Variants in TNKS observed in about 807,000 individuals in gnomAD.
The protein encoded by TNKS is tankyrase.
TNKS carries 72 observed loss-of-function variants against 135.8 expected under a neutral mutation model. That is an observed-to-expected ratio of 0.53 (90% CI 0.44 to 0.64). TNKS has a LOEUF of 0.64. Among genes scored for constraint, TNKS ranks in the 30% least tolerant of loss-of-function variants. The pLI is 0.00. For synonymous variants in TNKS, 849 were observed against 649.3 expected (o/e 1.31, Z -4.68); for missense variants, 1,769 against 1,674.0 (o/e 1.06, Z -0.99).
At chr8:9,621,869 G>T (rs901458586) in intron 3 of TNKS, among the ~76,000 whole-genome samples, 6 of 151,948 alleles carry the variant, frequency 3.9e-5, no homozygotes, top group African/African-American at 1.4e-4. Context: ...AATTTTATTA[G>T]GGGAAGTTAT....
At chr8:9,697,666 G>C (rs1803581622) in intron 5 of TNKS, among the ~76,000 whole-genome samples, 1 of 152,026 alleles carries the variant, frequency 6.6e-6, no homozygotes, top group South Asian at 2.1e-4. Flanking sequence ...CATACAAGCA[G>C]CCAACAAACA....
chr8:9,610,713 A>G (rs1166510045), intron 2 of TNKS, among the ~76,000 whole-genome samples: 1 of 152,216 alleles, frequency 6.6e-6, no homozygotes, highest in Admixed American at 6.5e-5. Context: ...ATTTTAAAGT[A>G]AAAACTTCCT....
In TNKS at chr8:9,730,483, G is replaced by A. The variant is rs1472395542; in HGVS notation, c.2002-407G>A. ...GCTTGACTCACATTAGAGACGGCAA[G>A]AGCTCTCTAGTTACACAGTCAACTG... On this transcript the variant is annotated intron_variant, in intron 13 of 26. Coordinates refer to ENST00000310430, the MANE Select transcript of TNKS (RefSeq NM_003747.3). Among the ~76,000 whole-genome samples the A allele has an allele frequency of 2.0e-5, 3 of 152,096 alleles. No individual in the cohort carries two copies. The East Asian group carries it at 5.8e-4, about 29-fold the overall frequency.
At chr8:9,772,677 A>C (rs1401967376) in intron 26 of TNKS, among the ~76,000 whole-genome samples, 1 of 152,076 alleles carries the variant, frequency 6.6e-6, no homozygotes, top group Non-Finnish European at 1.5e-5. Flanking sequence ...GTAAAATTAT[A>C]AGGTTGATTC....
At chr8:9,720,196 G>A (rs1284906358) in intron 11 of TNKS, among the ~76,000 whole-genome samples, 178 bp from the exon 12 acceptor site, 1 of 152,156 alleles carries the variant, frequency 6.6e-6, no homozygotes, top group Non-Finnish European at 1.5e-5. Flanking sequence ...TCAGAGAAGG[G>A]TAACTAAAAA....
At chr8:9,662,962 C>G (rs1164399675) in intron 3 of TNKS, among the ~76,000 whole-genome samples, 3 of 152,112 alleles carry the variant, frequency 2.0e-5, no homozygotes, top group African/African-American at 7.2e-5. Flanking sequence ...TTAAGTTAAT[C>G]TTGAGATGGA....
chr8:9,750,768 G>A (rs530225044), intron 18 of TNKS, among the ~76,000 whole-genome samples: 1 of 152,314 alleles, frequency 6.6e-6, no homozygotes, highest in African/African-American at 2.4e-5. Flanking sequence ...TTTCTCACAC[G>A]TCTGGGAGTT....
Position 9,777,712 on chromosome 8 carries a change from T to G in TNKS, c.*976T>G, listed in dbSNP as rs1264332756. ...GGGGATGCCTCCAAAAAATACATGC[T>G]TCCCTTCCCTTAATCTGTACTGTTG... On this transcript the variant is annotated 3_prime_UTR_variant, in exon 27 of 27. Coordinates refer to ENST00000310430, the MANE Select transcript of TNKS (RefSeq NM_003747.3). 6.6e-6 allele frequency: 1 copy of G among 152,186 alleles called. No individual in the cohort carries two copies. The highest frequency in any genetic ancestry group is 2.4e-5 in the African/African-American group (1 of 41,454). 9.4% of individuals were successfully genotyped at this position (152,186 alleles called of 1,614,324 possible).
intron 20 of TNKS, among the ~76,000 whole-genome samples, chr8:9,756,007 C>G (rs1806814437): frequency 6.6e-6 from 1 of 152,154 alleles, no homozygotes; most frequent in African/African-American, 2.4e-5. Context: ...TTGGCCCTTC[C>G]TTTATAACAT....
At chr8:9,674,061 A>G (rs1802426861) in intron 3 of TNKS, among the ~76,000 whole-genome samples, 1 of 152,192 alleles carries the variant, frequency 6.6e-6, no homozygotes, top group South Asian at 2.1e-4. Context: ...TTCAGGTACT[A>G]CTTTTTATAA....
chr8:9,687,051 A>T (rs1368337672), intron 5 of TNKS, among the ~76,000 whole-genome samples: 1 of 152,210 alleles, frequency 6.6e-6, no homozygotes, highest in African/African-American at 2.4e-5. Flanking sequence ...TGGCATCTGC[A>T]GTGAAGTTTA....
At chr8:9,598,545 A>C (rs1798878697) in intron 2 of TNKS, among the ~76,000 whole-genome samples, 1 of 151,094 alleles carries the variant, frequency 6.6e-6, no homozygotes, top group Non-Finnish European at 1.5e-5. Context: ...AAAACAGAAA[A>C]ATTAGCTGGG....
intron 2 of TNKS, among the ~76,000 whole-genome samples, chr8:9,593,862 ATATT>A (rs34023733): frequency 0.088 from 13,389 of 151,300 alleles, 657 homozygotes; most frequent in South Asian, 0.17. Flanking sequence ...TTATCCCTTG[ATATT>A]TATTTATTTA....
intron 1 of TNKS, among the ~76,000 whole-genome samples, chr8:9,564,192 T>C (rs1458357045): frequency 6.6e-6 from 1 of 152,178 alleles, no homozygotes; most frequent in Non-Finnish European, 1.5e-5. Context: ...ATTTAGTCTT[T>C]TTGGTAAGTG....
chr8:9,657,890 G>A (rs1178056354), intron 3 of TNKS, among the ~76,000 whole-genome samples: 2 of 131,904 alleles, frequency 1.5e-5, no homozygotes, highest in African/African-American at 2.8e-5. Flanking sequence ...CAGACGGGGT[G>A]GTTGCCAGGC....
chr8:9,634,111 A>T (rs893624922), intron 3 of TNKS, among the ~76,000 whole-genome samples: 63 of 149,012 alleles, frequency 4.2e-4, no homozygotes, highest in Admixed American at 1.1e-3. Flanking sequence ...ATGTATATAT[A>T]TTTTTTTTCC....
chr8:9,592,143 A>G lies in TNKS; in HGVS notation c.898+11760A>G, dbSNP rs1265528992. Among the ~76,000 whole-genome samples the G allele has an allele frequency of 3.3e-5, 5 of 152,196 alleles. 1 individual carries two copies. Among genetic ancestry groups the G allele is most frequent in the African/African-American group, 1.2e-4 (5 of 41,454 alleles). Reference sequence around the variant, plus strand: ...TCTGAGATGACATTGTTTGCCTACTATTGGCAAGTATATTTCCAAAATTTA... The same window carrying G: ...TCTGAGATGACATTGTTTGCCTACTGTTGGCAAGTATATTTCCAAAATTTA... On this transcript the variant is annotated intron_variant, in intron 2 of 26. Transcript: ENST00000310430.
intron 17 of TNKS, among the ~76,000 whole-genome samples, chr8:9,747,295 T>A (rs1255240203): frequency 6.9e-6 from 1 of 144,044 alleles, no homozygotes; most frequent in Non-Finnish European, 1.5e-5. Context: ...CTTTGACTTT[T>A]CTCTCTCTCT....
chr8:9,721,486 C>T (rs1021980172), intron 12 of TNKS, among the ~76,000 whole-genome samples: 5 of 151,468 alleles, frequency 3.3e-5, no homozygotes, highest in Admixed American at 2.6e-4. Flanking sequence ...TATAATTAAC[C>T]TCTTTCCTAA....
Sources: allele counts gnomAD v4.1 joint callset (sites outside exome capture counted in the v4.1 genomes callset), GRCh38; gene constraint gnomAD v4.1.1; transcripts MANE v1.5; gene names NCBI Gene and HGNC (gene_info 2026-07-23, HGNC 2026-07-21).